Variants in AFAP1L2 observed in about 807,000 individuals in gnomAD.
The protein encoded by AFAP1L2 is actin filament-associated protein 1-like 2.
Under a neutral mutation model 99.3 loss-of-function variants are expected in AFAP1L2, and 46 were observed. The observed-to-expected ratio is 0.46, with a 90% CI of 0.37 to 0.59. The LOEUF (loss-of-function observed/expected upper bound fraction) is 0.59. Among genes scored for constraint, AFAP1L2 ranks in the 20% least tolerant of loss-of-function variants. The pLI is 0.00. For missense variants in AFAP1L2, 959 were observed against 1,034.9 expected, an observed-to-expected ratio of 0.93 and a Z score of 1.01; for synonymous variants, 397 against 419.1, an observed-to-expected ratio of 0.95 and a Z score of 0.64.
intron 11 of AFAP1L2, among the ~76,000 whole-genome samples, chr10:114,303,346 C>T (rs1017818552): frequency 3.3e-5 from 5 of 152,098 alleles, no homozygotes; most frequent in African/African-American, 7.2e-5. Flanking sequence ...CTTGTTCTGT[C>T]GCCCAGGCTG....
intron 5 of AFAP1L2, chr10:114,319,668 GA>G: frequency 6.2e-6 from 8 of 1,282,848 alleles, no homozygotes; most frequent in Non-Finnish European, 8.1e-6. Context: ...CAGGAGCACA[GA>G]CAGAGGGAAG....
At chr10:114,350,290 T>C (rs1223063885) in intron 1 of AFAP1L2, among the ~76,000 whole-genome samples, 8 of 152,194 alleles carry the variant, frequency 5.3e-5, no homozygotes, top group Admixed American at 5.2e-4. Flanking sequence ...TCCGGCCCAA[T>C]AGCACACAGG....
chr10:114,397,128 A>T (rs1013794692), intron 1 of AFAP1L2, among the ~76,000 whole-genome samples: 2 of 152,168 alleles, frequency 1.3e-5, no homozygotes, highest in Non-Finnish European at 2.9e-5. Context: ...CACAGAAAAA[A>T]AAAAAGCCCT....
intron 10 of AFAP1L2, among the ~76,000 whole-genome samples, chr10:114,307,200 C>T (rs1421477285): frequency 6.6e-6 from 1 of 152,100 alleles, no homozygotes; most frequent in Non-Finnish European, 1.5e-5. Context: ...CCCTCTGCAC[C>T]AGTACAGGGT....
At chr10:114,289,771 TCCACAAGC>T in the AFAP1L2 span, 1 of 475,608 alleles carries the variant, frequency 2.1e-6, no homozygotes, top group Non-Finnish European at 3.9e-6. Context: ...TTTTAGAATA[TCCACAAGC>T]TTCCTAAGGG....
intron 8 of AFAP1L2, among the ~76,000 whole-genome samples, chr10:114,309,329 C>G (rs2134419554): frequency 6.6e-6 from 1 of 152,332 alleles, no homozygotes; most frequent in East Asian, 1.9e-4. Context: ...CTGAGTCACT[C>G]TGGAATCTGG....
chr10:114,339,844 TCTA>T lies in AFAP1L2; in HGVS notation c.145+756_145+758del, dbSNP rs1329399942. Among the ~76,000 whole-genome samples the T allele has an allele frequency of 6.0e-5, 9 of 149,884 alleles. No homozygotes were observed. The East Asian group carries it at 1.8e-3, about 30-fold the overall frequency. On this transcript the variant is annotated intron_variant, in intron 2 of 18. Coordinates refer to ENST00000304129, the MANE Select transcript of AFAP1L2 (RefSeq NM_001001936.3). Reference sequence around the variant, plus strand: ...GCCTGGCCAACATAGTGAAACCCTGTCTACTAAAAATACACAATTAGCTGGGCA... The same window carrying T: ...GCCTGGCCAACATAGTGAAACCCTGTCTAAAAATACACAATTAGCTGGGCA...
intron 1 of AFAP1L2, among the ~76,000 whole-genome samples, chr10:114,368,210 G>T (rs945980511): frequency 2.6e-5 from 4 of 152,190 alleles, no homozygotes; most frequent in African/African-American, 9.7e-5. Flanking sequence ...GCCAAATACC[G>T]CATGATCTGA....
At chr10:114,383,166 T>G (rs2055946971) in intron 1 of AFAP1L2, among the ~76,000 whole-genome samples, 1 of 152,174 alleles carries the variant, frequency 6.6e-6, no homozygotes, top group Admixed American at 6.5e-5. Context: ...TGGACAATGT[T>G]TTGAAAGATA....
At chr10:114,391,427 C>T (rs2004220) in intron 1 of AFAP1L2, among the ~76,000 whole-genome samples, 69,012 of 151,890 alleles carry the variant, frequency 0.45, 16,069 homozygotes, top group South Asian at 0.6. Flanking sequence ...ACCATGTTGG[C>T]GAGACTGGTC....
At chr10:114,307,946 G>A (rs756471037) in intron 9 of AFAP1L2, 37 bp from the exon 10 acceptor site, 34 of 1,589,278 alleles carry the variant, frequency 2.1e-5, no homozygotes, top group South Asian at 3.3e-5. Context: ...CGTATTGCAC[G>A]TGGTCCACCC....
the AFAP1L2 span, chr10:114,289,068 GAC>G: frequency 6.2e-6 from 10 of 1,614,206 alleles, no homozygotes; most frequent in Admixed American, 1.7e-4. Context: ...ACCCTGACGT[GAC>G]ACAGGTCGGC....
chr10:114,367,613 A>G (rs921109696), intron 1 of AFAP1L2, among the ~76,000 whole-genome samples: 6 of 152,356 alleles, frequency 3.9e-5, no homozygotes, highest in Admixed American at 3.3e-4. Flanking sequence ...AGGCCCAGCT[A>G]GAATGCAACC....
At chr10:114,363,762 TATC>T (rs1321888816) in intron 1 of AFAP1L2, among the ~76,000 whole-genome samples, 1 of 152,222 alleles carries the variant, frequency 6.6e-6, no homozygotes, top group African/African-American at 2.4e-5. Context: ...GTTCTGTTCA[TATC>T]ATGAAAGAAC....
At chr10:114,337,074 G>A (rs545995820) in intron 2 of AFAP1L2, among the ~76,000 whole-genome samples, 118 of 152,346 alleles carry the variant, frequency 7.7e-4, no homozygotes, top group Admixed American at 2.8e-3. Context: ...AGGTGGGCCT[G>A]GGAGGCCGAG....
chr10:114,285,856 G>A, the AFAP1L2 span: 44 of 1,374,216 alleles, frequency 3.2e-5, no homozygotes, highest in Non-Finnish European at 4.1e-5. Context: ...CTCCCTCCTG[G>A]GAGATGTTCG....
intron 1 of AFAP1L2, among the ~76,000 whole-genome samples, chr10:114,371,949 T>C (rs1440775852): frequency 2.0e-5 from 3 of 152,054 alleles, no homozygotes; most frequent in Non-Finnish European, 4.4e-5. Context: ...GGGTGAGTCT[T>C]CTATATTTTA....
intron 1 of AFAP1L2, among the ~76,000 whole-genome samples, chr10:114,389,143 G>A (rs1447035074): frequency 6.6e-6 from 1 of 152,166 alleles, no homozygotes; most frequent in Non-Finnish European, 1.5e-5. Context: ...GCCCACACTT[G>A]CGAGACCCCA....
chr10:114,313,392 C>T (rs548203049), intron 7 of AFAP1L2, among the ~76,000 whole-genome samples: 6 of 151,714 alleles, frequency 4.0e-5, no homozygotes, highest in South Asian at 2.1e-4. Context: ...ACTGTGTAGA[C>T]GGGCCTCGGT....
Sources: gnomAD v4.1 joint callset for allele counts (sites outside exome capture counted in the v4.1 genomes callset) on GRCh38, gnomAD v4.1.1 for gene constraint, MANE v1.5 for transcripts, NCBI Gene and HGNC (gene_info 2026-07-23, HGNC 2026-07-21) for gene names.